The following POLN variants were observed in gnomAD, a reference collection of about 807,000 sequenced individuals.
The protein encoded by POLN is DNA polymerase N.
POLN carries 108 observed loss-of-function variants against 113.5 expected under a neutral mutation model. The ratio of observed to expected loss-of-function variants is 0.95; its 90% confidence interval spans 0.81 to 1.12. POLN has a LOEUF of 1.12. Ranked by LOEUF, POLN falls within the 50% of genes most tolerant of loss-of-function variation. The pLI, the probability that POLN is intolerant of heterozygous loss-of-function variation, is 0.00. For missense variants in POLN, 1,097 were observed against 1,077.1 expected (o/e 1.02, Z -0.26); for synonymous variants, 386 against 391.5 (o/e 0.99, Z 0.17).
At chr4:2,094,878 T>G (rs1577688119) in intron 20 of POLN, among the ~76,000 whole-genome samples, 4 of 152,254 alleles carry the variant, frequency 2.6e-5, no homozygotes, top group Admixed American at 2.6e-4. Context: ...CACTGAAGCT[T>G]GTTTGGTTTT....
At chr4:2,142,535 G>C (rs1732028308) in intron 16 of POLN, among the ~76,000 whole-genome samples, 1 of 152,218 alleles carries the variant, frequency 6.6e-6, no homozygotes, top group Non-Finnish European at 1.5e-5. Flanking sequence ...GAAAGGTGGA[G>C]AAAATACGGC....
At chr4:2,109,047 G>A (rs1731133646) in intron 19 of POLN, among the ~76,000 whole-genome samples, 1 of 152,106 alleles carries the variant, frequency 6.6e-6, no homozygotes, top group Non-Finnish European at 1.5e-5. Flanking sequence ...GAGGGCTTGA[G>A]AAACACTAAA....
intron 19 of POLN, among the ~76,000 whole-genome samples, chr4:2,114,588 T>TA (rs1449332137): frequency 2.6e-5 from 4 of 152,232 alleles, no homozygotes; most frequent in African/African-American, 9.6e-5. Flanking sequence ...CTGTGCCTGG[T>TA]AAAAAGTCAG....
At chr4:2,128,627 T>G in intron 18 of POLN, among the ~76,000 whole-genome samples, 1 of 150,978 alleles carries the variant, frequency 6.6e-6, no homozygotes, top group African/African-American at 2.4e-5. Flanking sequence ...CTGGGAGGAG[T>G]AGGGTCCGGC....
chr4:2,129,239 G>A lies in POLN; in HGVS notation c.1807C>T (p.Leu603Phe), dbSNP rs762219033. The A allele has an allele frequency of 6.3e-7, 1 of 1,594,772 alleles. No homozygotes were observed. The highest frequency in any genetic ancestry group is 2.2e-5 in the East Asian group (1 of 44,764). ...KNFKGKEDKI[L>F]TISPRAMFVS... is the part of the protein sequence containing the mutation. ...AACATGGCCCTCGGGGAGATCGTGA[G>A]AATCTTGTCTTCTTTACCTGAATTG... The change falls in exon 18 of 26, where the codon CTC becomes TTC. Residue 603 changes from leucine (L) to phenylalanine (F), a missense_variant. Physicochemically the swap from Leu to Phe is conservative, Grantham distance 22. Coordinates refer to ENST00000511885, the MANE Select transcript of POLN (RefSeq NM_181808.4).
intron 11 of POLN, among the ~76,000 whole-genome samples, chr4:2,173,562 C>T (rs1419521850): frequency 1.3e-5 from 2 of 152,150 alleles, no homozygotes; most frequent in African/African-American, 4.8e-5. Context: ...TCCCACTCTC[C>T]ACCTACATGT....
intron 19 of POLN, among the ~76,000 whole-genome samples, chr4:2,105,320 A>G (rs999961399): frequency 6.6e-6 from 1 of 152,138 alleles, no homozygotes; most frequent in Non-Finnish European, 1.5e-5. Context: ...TGGCAGCAAT[A>G]GTCTCCTCTG....
At chr4:2,107,060 C>G (rs924681488) in intron 19 of POLN, among the ~76,000 whole-genome samples, 18 of 152,004 alleles carry the variant, frequency 1.2e-4, no homozygotes, top group African/African-American at 3.9e-4. Flanking sequence ...TCACATTTCT[C>G]AGATCTTGCA....
Position 2,208,162 on chromosome 4 carries a change from T to C in POLN, c.539A>G (p.Asp180Gly). ...CCCAGAATTTAGGTAGCCTTCGGCG[T>C]CATCAGTATCTTCTTCCAATGCCAT... Reference protein sequence around the residue: ...KQMALEEDTDDAEGYLNSGNS... With the variant: ...KQMALEEDTDGAEGYLNSGNS... Residue 180 changes from aspartate (D) to glycine (G), a missense_variant, in exon 5 of 26, where the codon GAC becomes GGC. By Grantham distance (94) the Asp-to-Gly change is moderately conservative. Transcript: ENST00000511885. 6.2e-7 allele frequency: 1 copy of C among 1,614,074 alleles called. No homozygotes were observed.
At chr4:2,202,723 CAAAAAA>C (rs34712930) in intron 5 of POLN, among the ~76,000 whole-genome samples, 1 of 36,850 alleles carries the variant, frequency 2.7e-5, no homozygotes, top group African/African-American at 1.0e-4. Context: ...GACTCTGTCT[CAAAAAA>C]AAAAAAAAAA....
intron 19 of POLN, 85 bp from the exon 20 acceptor site, chr4:2,096,018 TG>T: frequency 8.9e-7 from 1 of 1,124,608 alleles, no homozygotes; most frequent in South Asian, 1.2e-5. Context: ...ACCCCACCAC[TG>T]TGCTTCCTCT....
intron 19 of POLN, among the ~76,000 whole-genome samples, chr4:2,096,548 C>T (rs569857723): frequency 2.6e-5 from 4 of 152,186 alleles, no homozygotes; most frequent in Admixed American, 1.3e-4. Flanking sequence ...CCTCCTCCTC[C>T]GAGAGCACCT....
chr4:2,183,698 G>GT lies in POLN; in HGVS notation c.1022-4234dup, dbSNP rs1207739482. ...GGGAGTGGCTGCTAAGGAGTACAGG[G>GT]TTTTTTTTTGGGGTGACAAAAATGT... On this transcript the variant is annotated intron_variant, in intron 7 of 25. Coordinates refer to ENST00000511885, the MANE Select transcript of POLN (RefSeq NM_181808.4). Among the ~76,000 whole-genome samples the GT allele has an allele frequency of 1.5e-3, 230 of 151,294 alleles. 1 individual carries two copies. The highest frequency in any genetic ancestry group is 5.3e-3 in the African/African-American group (220 of 41,350).
At chr4:2,128,402 G>A (rs1382887238) in intron 18 of POLN, among the ~76,000 whole-genome samples, 175 bp from the exon 19 acceptor site, 1 of 152,188 alleles carries the variant, frequency 6.6e-6, no homozygotes, top group Non-Finnish European at 1.5e-5. Flanking sequence ...AATGAAATGG[G>A]GAGGATTGTG....
Position 2,208,225 on chromosome 4 carries a change from A to G in POLN, c.476T>C (p.Ile159Thr), listed in dbSNP as rs1281083224. ...KGSINLKRKHITYNNLSEKTS... is the reference protein window; with the variant it reads ...KGSINLKRKHTTYNNLSEKTS... The stretch of plus-strand genomic sequence containing the variant: ...TTTCTCTGACAAATTATTATATGTA[A>G]TATGTTTTCTTTTAAGATTAATGCT... Residue 159 changes from isoleucine to threonine, a missense_variant, in exon 5 of 26, where the codon ATT becomes ACT. By Grantham distance (89) the Ile-to-Thr change is moderately conservative. Coordinates refer to ENST00000511885, the MANE Select transcript of POLN (RefSeq NM_181808.4). 8 of 1,591,754 alleles carry G rather than the reference A, an allele frequency of 5.0e-6. No individual in the cohort carries two copies. Among genetic ancestry groups the G allele is most frequent in the Non-Finnish European group, 6.9e-6 (8 of 1,161,836 alleles).
Position 2,128,147 on chromosome 4 carries a change from T to C in POLN, c.1948A>G (p.Arg650Gly). The stretch of plus-strand genomic sequence containing the variant: ...GTCAGAGTAGAAAATACATCATCTC[T>C]TTCAGATTCCTGGAATAACTTCAGA... ...ELLKLFQESERDDVFSTLTSQ... is the reference protein window; with the variant it reads ...ELLKLFQESEGDDVFSTLTSQ... The change falls in exon 19 of 26, where the codon AGA becomes GGA. Residue 650 changes from arginine (R) to glycine (G), a missense_variant. Transcript: ENST00000511885. 1 of 1,609,958 alleles carries C rather than the reference T, an allele frequency of 6.2e-7. No individual in the cohort carries two copies.
chr4:2,168,582 C>A (rs2857789), intron 13 of POLN, among the ~76,000 whole-genome samples: 113,494 of 152,200 alleles, frequency 0.75, 44,766 homozygotes, highest in Non-Finnish European at 0.88. Flanking sequence ...GTGATGCGTC[C>A]TTTCTTGCAC....
chr4:2,216,615 G>A (rs138364429), intron 3 of POLN, among the ~76,000 whole-genome samples: 53 of 152,312 alleles, frequency 3.5e-4, no homozygotes, highest in African/African-American at 1.2e-3. Flanking sequence ...TTGGCTGAGC[G>A]CAGGATCCTG....
At chr4:2,089,756 A>C in intron 20 of POLN, 1 of 705,134 alleles carries the variant, frequency 1.4e-6, no homozygotes, top group Non-Finnish European at 2.4e-6. Context: ...ATCATTATGG[A>C]CTTTAAATCT....
Sources: gnomAD v4.1 joint callset for allele counts (sites outside exome capture counted in the v4.1 genomes callset) on GRCh38, gnomAD v4.1.1 for gene constraint, MANE v1.5 for transcripts, NCBI Gene and HGNC (gene_info 2026-07-23, HGNC 2026-07-21) for gene names.